MICAL2: variants seen among roughly 807,000 people sequenced by gnomAD.
MICAL2 encodes [F-actin]-monooxygenase MICAL2.
Under a neutral mutation model 127.3 loss-of-function variants are expected in MICAL2, and 77 were observed. The ratio of observed to expected loss-of-function variants is 0.60; its 90% confidence interval spans 0.50 to 0.73. The LOEUF (loss-of-function observed/expected upper bound fraction) is 0.73. Ranked by LOEUF, MICAL2 falls within the 30% of genes least tolerant of loss-of-function variation. The probability of loss-of-function intolerance (pLI) is 0.00; values close to 1 mark genes in which losing one functional copy is unlikely to be tolerated. For missense variants in MICAL2, 1,351 were observed against 1,434.4 expected (o/e 0.94, Z 0.94); for synonymous variants, 570 against 551.1 (o/e 1.03, Z -0.48).
chr11:12,202,145 A>G (rs890217580), intron 3 of MICAL2, among the ~76,000 whole-genome samples: 1 of 151,542 alleles, frequency 6.6e-6, no homozygotes, highest in African/African-American at 2.4e-5. Context: ...GACTTTTACC[A>G]TTTGGCTGCA....
At chr11:12,286,799 C>G (rs997698286) in intron 2 of MICAL2, 1 of 225,778 alleles carries the variant, frequency 4.4e-6, no homozygotes, top group Non-Finnish European at 8.6e-6. Context: ...CATTTGAGCC[C>G]GAGAGGTCGA....
At position 12,313,961 on chromosome 11, in the gene MICAL2, ATTTTTTTTT is replaced by A. The variant is rs60681621; in HGVS notation, c.5213-5721_5213-5713del. ...TTTCTGGCCTTAATGTCTTGGTCTG[ATTTTTTTTT>A]TTTTTTTTTTTTTGATAGCTATACA... On this transcript the variant is annotated intron_variant, in intron 29 of 34. Coordinates refer to the MICAL2 transcript ENST00000646065. 1.1e-4 allele frequency among the ~76,000 whole-genome samples: 5 copies of A among 43,792 alleles called. No individual in the cohort carries two copies. The South Asian group carries it at 2.2e-3, about 19-fold the overall frequency. 28.7% of individuals were successfully genotyped at this position (43,792 alleles called of 152,430 possible).
rs558538340 is a variant in MICAL2 at position 12,155,313 on chromosome 11, TACAC to T, written c.-77-6759_-77-6756del. ...CATACTCACCACACATACATGTACA[TACAC>T]ACACACGCACATATACACATACATG... On this transcript the variant is annotated intron_variant, in intron 2 of 27. Coordinates refer to ENST00000683283, the MANE Select transcript of MICAL2 (RefSeq NM_001282663.2). Among the ~76,000 whole-genome samples the T allele has an allele frequency of 1.2e-4, 18 of 152,180 alleles. No individual in the cohort carries two copies. The South Asian group carries it at 3.5e-3, about 30-fold the overall frequency.
chr11:12,309,685 A>C (rs925936985), intron 29 of MICAL2, among the ~76,000 whole-genome samples: 1 of 152,064 alleles, frequency 6.6e-6, no homozygotes, highest in Non-Finnish European at 1.5e-5. Flanking sequence ...TGCGTTATAT[A>C]CTCAGCAGTA....
intron 1 of MICAL2, among the ~76,000 whole-genome samples, chr11:12,137,515 T>G (rs57662553): frequency 0.012 from 1,822 of 152,218 alleles, 33 homozygotes; most frequent in African/African-American, 0.039. Context: ...TGTCTCCCAT[T>G]AACGGGCTGA....
chr11:12,294,500 C>T, downstream of MICAL2: 2 of 1,614,194 alleles, frequency 1.2e-6, no homozygotes, highest in Non-Finnish European at 8.5e-7. Flanking sequence ...CAAGGTCTTT[C>T]CTGCACTTAG....
chr11:12,334,200 T>C (rs899874880), intron 32 of MICAL2, among the ~76,000 whole-genome samples: 1 of 152,152 alleles, frequency 6.6e-6, no homozygotes. Flanking sequence ...CCCCTGAAGA[T>C]ACCAAAATTT....
intron 22 of MICAL2, 193 bp from the exon 23 acceptor site, chr11:12,255,446 TTTTA>T: frequency 1.7e-6 from 1 of 578,162 alleles, no homozygotes; most frequent in Admixed American, 3.0e-5. Context: ...GGCCACAGGG[TTTTA>T]TTTATTTTCT....
At position 12,255,269 on chromosome 11, in the gene MICAL2, C is replaced by T. The variant is rs1056156735; in HGVS notation, c.2848-374C>T. 1.7e-5 allele frequency: 4 copies of T among 241,318 alleles called. No homozygotes were observed. In the East Asian group the frequency reaches 3.5e-4, roughly 21 times the overall value. 14.9% of individuals were successfully genotyped at this position (241,318 alleles called of 1,614,324 possible). On this transcript the variant is annotated intron_variant, in intron 22 of 27. Coordinates refer to ENST00000683283, the MANE Select transcript of MICAL2 (RefSeq NM_001282663.2). ...GTTTAGTGGTATTAAATACATCCTT[C>T]GTGTGCAACCCTCACCATCCTCCCA...
At chr11:12,125,846 C>G (rs1462445382) in intron 1 of MICAL2, among the ~76,000 whole-genome samples, 3 of 146,824 alleles carry the variant, frequency 2.0e-5, no homozygotes, top group African/African-American at 7.7e-5. Flanking sequence ...ACTTTGGAAT[C>G]CGGTGCAAGT....
intron 3 of MICAL2, among the ~76,000 whole-genome samples, chr11:12,192,013 G>T (rs1393954563): frequency 6.6e-6 from 1 of 151,930 alleles, no homozygotes; most frequent in Non-Finnish European, 1.5e-5. Context: ...ATGGCCTCTG[G>T]GCTCCCTGAA....
rs1403247653 is a variant in MICAL2 at position 12,242,324 on chromosome 11, G to T, written c.2448G>T (p.Gln816His). The stretch of plus-strand genomic sequence containing the variant: ...GAGCCAGAGCCAAGTCTGACCTACA[G>T]CTGGGTGGGACAGAAAATTTCGCTA... Reference protein sequence around the residue: ...PWRARAKSDLQLGGTENFATL... With the variant: ...PWRARAKSDLHLGGTENFATL... Residue 816 changes from glutamine (Q) to histidine (H), a missense_variant, in exon 19 of 28, where the codon CAG (glutamine) becomes CAT (histidine). Coordinates refer to ENST00000683283, the MANE Select transcript of MICAL2 (RefSeq NM_001282663.2). The T allele has an allele frequency of 1.9e-6, 3 of 1,614,156 alleles. No homozygotes were observed. Among genetic ancestry groups the T allele is most frequent in the Non-Finnish European group, 2.5e-6 (3 of 1,179,994 alleles).
At chr11:12,213,523 TG>T in intron 7 of MICAL2, 113 bp downstream of exon 7, 4 of 1,036,364 alleles carry the variant, frequency 3.9e-6, no homozygotes, top group Non-Finnish European at 5.6e-6. Context: ...GGACTCACTC[TG>T]ATAGAGTGGA....
At chr11:12,163,511 C>A (rs1855098298) in intron 3 of MICAL2, among the ~76,000 whole-genome samples, 1 of 152,200 alleles carries the variant, frequency 6.6e-6, no homozygotes, top group Non-Finnish European at 1.5e-5. Context: ...TCCACTGCCC[C>A]TGGGGAGACA....
intron 33 of MICAL2, chr11:12,349,974 A>T: frequency 6.3e-7 from 1 of 1,579,080 alleles, no homozygotes; most frequent in Middle Eastern, 1.7e-4. Flanking sequence ...GAGTCCTAAA[A>T]GCAAAGGGGC....
At chr11:12,181,222 G>A (rs1176209802) in intron 3 of MICAL2, among the ~76,000 whole-genome samples, 1 of 152,150 alleles carries the variant, frequency 6.6e-6, no homozygotes, top group African/African-American at 2.4e-5. Flanking sequence ...AGGATTACAG[G>A]CATGAGCCAC....
chr11:12,258,708 G>C (rs1862668609), intron 25 of MICAL2, 152 bp downstream of exon 25: 1 of 692,658 alleles, frequency 1.4e-6, no homozygotes, highest in African/African-American at 1.8e-5. Flanking sequence ...GGTGTGGAGG[G>C]TTCTTTTGCT....
In MICAL2 at chr11:12,204,438, T is replaced by A. The variant is rs554104551; in HGVS notation, c.453T>A (p.Ala151=). The A allele has an allele frequency of 8.1e-6, 13 of 1,614,222 alleles. No individual in the cohort carries two copies. In the African/African-American group the frequency reaches 1.7e-4, roughly 22 times the overall value. Residue 151 remains alanine, a synonymous_variant, in exon 4 of 28, where the codon GCT becomes GCA. Transcript: ENST00000683283. ...GAKKFYGKFC[A]GSIDHISIRQ... is the part of the protein sequence containing the mutation. Reference sequence around the variant, plus strand: ...AGAAGTTCTATGGGAAGTTCTGTGCTGGCTCCATCGACCATATCAGTGAGT... The same window carrying A: ...AGAAGTTCTATGGGAAGTTCTGTGCAGGCTCCATCGACCATATCAGTGAGT...
At chr11:12,257,111 C>A in intron 24 of MICAL2, 140 bp downstream of exon 24, 1 of 926,074 alleles carries the variant, frequency 1.1e-6, no homozygotes. Context: ...GAAAGCTGCT[C>A]AGGGAGACTG....
Sources: allele counts gnomAD v4.1 joint callset (sites outside exome capture counted in the v4.1 genomes callset), GRCh38; gene constraint gnomAD v4.1.1; transcripts MANE v1.5; gene names NCBI Gene and HGNC (gene_info 2026-07-23, HGNC 2026-07-21).